COL27A1: variants seen among roughly 807,000 people sequenced by gnomAD.
COL27A1 encodes collagen alpha-1(XXVII) chain.
Under a neutral mutation model 251.3 loss-of-function variants are expected in COL27A1, and 106 were observed. The observed-to-expected ratio is 0.42, with a 90% CI of 0.36 to 0.50. COL27A1 has a LOEUF of 0.50. COL27A1 is among the 20% of genes least tolerant of loss of function. The probability of loss-of-function intolerance (pLI) is 0.00; values close to 1 mark genes in which losing one functional copy is unlikely to be tolerated. For missense variants in COL27A1, 2,325 were observed against 2,522.8 expected (o/e 0.92, Z 1.68); for synonymous variants, 1,000 against 986.3 (o/e 1.01, Z -0.26).
chr9:114,294,355 C>T lies in COL27A1; in HGVS notation c.4584+2145C>T, dbSNP rs537040604. ...AACTCTTTCCTTGAGGCTGATTCTA[C>T]CCTGATGTCAAAGCCACACCAAGAT... On this transcript the variant is annotated intron_variant, in intron 49 of 60. Coordinates refer to ENST00000356083, the MANE Select transcript of COL27A1 (RefSeq NM_032888.4). Among the ~76,000 whole-genome samples, 3 of 151,744 alleles carry T rather than the reference C, an allele frequency of 2.0e-5. No individual in the cohort carries two copies. The East Asian group carries it at 5.8e-4, about 29-fold the overall frequency.
In COL27A1 at chr9:114,283,698, T is replaced by C; in HGVS notation, c.3880-11T>C. On this transcript the variant is annotated splice_polypyrimidine_tract_variant and intron_variant, in intron 39 of 60. Coordinates refer to ENST00000356083, the MANE Select transcript of COL27A1 (RefSeq NM_032888.4). ...ACACTCCATACCAACGAGGGTCTCCTCCTCTTGTAGGGTGCTCCGGGACGC... is the reference window on the plus strand; with the variant it reads ...ACACTCCATACCAACGAGGGTCTCCCCCTCTTGTAGGGTGCTCCGGGACGC... 1 of 1,613,826 alleles carries C rather than the reference T, an allele frequency of 6.2e-7. No homozygotes were observed. Among genetic ancestry groups the C allele is most frequent in the Non-Finnish European group, 8.5e-7 (1 of 1,179,826 alleles).
rs562607157 is a variant in COL27A1, at chr9:114,231,248, G to A, written c.2520+116G>A. 531 of 992,298 alleles carry A rather than the reference G, an allele frequency of 5.4e-4. 3 individuals carry two copies. The South Asian group carries it at 7.6e-3, about 14-fold the overall frequency. 61.5% of individuals were successfully genotyped at this position (992,298 alleles called of 1,614,324 possible). On this transcript the variant is annotated intron_variant, in intron 15 of 60. Coordinates refer to ENST00000356083, the MANE Select transcript of COL27A1 (RefSeq NM_032888.4). ...ATGCTGGGGGAAGGGAGGATGGCAG[G>A]ATGCTCAGAGGGGTGCTAGGAGGAA...
At chr9:114,197,123 C>T (rs1019283321) in intron 7 of COL27A1, among the ~76,000 whole-genome samples, 1 of 152,136 alleles carries the variant, frequency 6.6e-6, no homozygotes. Flanking sequence ...CAAGAAAATC[C>T]CCAACCGCTG....
chr9:114,300,143 A>C lies in COL27A1; in HGVS notation c.4638+20A>C. ...CCCAAGGTATGGACTCCCACGGCTCACTGTTCCTGTGGGGTCCCATCCATT... is the reference window on the plus strand; with the variant it reads ...CCCAAGGTATGGACTCCCACGGCTCCCTGTTCCTGTGGGGTCCCATCCATT... On this transcript the variant is annotated intron_variant, in intron 50 of 60. Transcript: ENST00000356083. The C allele has an allele frequency of 6.2e-7, 1 of 1,611,650 alleles. No homozygotes were observed. The highest frequency in any genetic ancestry group is 1.1e-5 in the South Asian group (1 of 91,032).
At chr9:114,169,511 C>A in intron 3 of COL27A1, 48 bp downstream of exon 3, 1 of 1,420,830 alleles carries the variant, frequency 7.0e-7, no homozygotes, top group Non-Finnish European at 9.4e-7. Context: ...CAGTGGGGGA[C>A]TGGGGCATTG....
At chr9:114,277,036 C>T (rs532925638) in intron 37 of COL27A1, among the ~76,000 whole-genome samples, 10 of 152,270 alleles carry the variant, frequency 6.6e-5, no homozygotes, top group African/African-American at 2.4e-4. Flanking sequence ...CGCATACTGC[C>T]CCTGTGCTCT....
At chr9:114,256,529 G>A (rs1374225415) in intron 27 of COL27A1, among the ~76,000 whole-genome samples, 1 of 152,144 alleles carries the variant, frequency 6.6e-6, no homozygotes, top group East Asian at 1.9e-4. Flanking sequence ...ATTGGGGGTG[G>A]GAGTGAGGCC....
chr9:114,237,542 C>A (rs1832479752), intron 18 of COL27A1, 120 bp from the exon 19 acceptor site: 8 of 828,648 alleles, frequency 9.7e-6, no homozygotes, highest in Non-Finnish European at 1.7e-5. Flanking sequence ...GTTGTCCAGG[C>A]AGATTTTATG....
At chr9:114,252,799 TG>T in intron 26 of COL27A1, 79 bp from the exon 27 acceptor site, 4 of 1,492,178 alleles carry the variant, frequency 2.7e-6, no homozygotes, top group Non-Finnish European at 3.7e-6. Context: ...GGCTTTGCAC[TG>T]GGGCTGAGCC....
Position 114,168,149 on chromosome 9 carries a change from C to T in COL27A1, c.594C>T (p.Leu198=), listed in dbSNP as rs745604906. ...DPALDPGGSF[L]FGKMNPHAVQ... Reference sequence around the variant, plus strand: ...CACTCGACCCTGGGGGCTCCTTCCTCTTTGGGAAGATGAACCCGCATGCAG... The same window carrying T: ...CACTCGACCCTGGGGGCTCCTTCCTTTTTGGGAAGATGAACCCGCATGCAG... The change falls in exon 3 of 61, where the codon CTC becomes CTT. Residue 198 remains leucine (L), a synonymous_variant. Coordinates refer to ENST00000356083, the MANE Select transcript of COL27A1 (RefSeq NM_032888.4). 3.1e-6 allele frequency: 5 copies of T among 1,613,482 alleles called. No homozygotes were observed. Among genetic ancestry groups the T allele is most frequent in the Non-Finnish European group, 4.2e-6 (5 of 1,180,028 alleles).
At chr9:114,162,451 C>G (rs1048446224) in intron 1 of COL27A1, among the ~76,000 whole-genome samples, 1 of 152,174 alleles carries the variant, frequency 6.6e-6, no homozygotes, top group African/African-American at 2.4e-5. Flanking sequence ...GCTTCTTCCC[C>G]GTTGACGTTG....
chr9:114,308,088 C>G (rs1294613660), intron 59 of COL27A1, among the ~76,000 whole-genome samples: 1 of 152,210 alleles, frequency 6.6e-6, no homozygotes, highest in Non-Finnish European at 1.5e-5. Flanking sequence ...TATGAATCAT[C>G]AGCATGAAAT....
intron 16 of COL27A1, among the ~76,000 whole-genome samples, chr9:114,232,397 G>C (rs1327722766): frequency 6.6e-6 from 1 of 152,180 alleles, no homozygotes; most frequent in Non-Finnish European, 1.5e-5. Context: ...ATCTCACCCT[G>C]TGCCAAACCA....
In COL27A1 at chr9:114,167,672, T is replaced by C. The variant is rs367798942; in HGVS notation, c.134-17T>C. 86 of 1,594,414 alleles carry C rather than the reference T, an allele frequency of 5.4e-5. No individual in the cohort carries two copies. The highest frequency in any genetic ancestry group is 7.3e-5 in the Non-Finnish European group (85 of 1,167,932). ...CAGGCCCTGACTGCGTCCTCTCCCC[T>C]TTTCCCTCCCTCTCAGATGTGGACA... On this transcript the variant is annotated splice_polypyrimidine_tract_variant and intron_variant, in intron 2 of 60. Transcript: ENST00000356083.
intron 3 of COL27A1, among the ~76,000 whole-genome samples, chr9:114,172,787 C>CTT (rs1418458970): frequency 6.6e-6 from 1 of 152,124 alleles, no homozygotes. Flanking sequence ...GAGTAAGACT[C>CTT]TGTCTCAAAA....
chr9:114,262,376 G>T (rs1395747900), intron 28 of COL27A1, among the ~76,000 whole-genome samples: 6 of 152,184 alleles, frequency 3.9e-5, no homozygotes. Context: ...TTGTTTAGGG[G>T]TTCATCAAAC....
chr9:114,206,219 T>A, intron 9 of COL27A1, 33 bp from the exon 10 acceptor site: 1 of 1,611,424 alleles, frequency 6.2e-7, no homozygotes. Context: ...AGCGTCTCCA[T>A]ATGTCCTTGC....
At chr9:114,181,128 G>A (rs1468749182) in intron 4 of COL27A1, among the ~76,000 whole-genome samples, 1 of 152,216 alleles carries the variant, frequency 6.6e-6, no homozygotes, top group African/African-American at 2.4e-5. Flanking sequence ...CTTAGAGACT[G>A]CTGGGTCCCA....
In COL27A1 at chr9:114,311,432, T is replaced by C. The variant is rs1362134154; in HGVS notation, c.*737T>C. The C allele has an allele frequency of 6.6e-6, 1 of 151,554 alleles. No individual in the cohort carries two copies. Among genetic ancestry groups the C allele is most frequent in the East Asian group, 1.9e-4 (1 of 5,150 alleles). The allele number at this position is 151,554 out of a possible 1,614,324, so 9.4% of individuals were successfully genotyped here. On this transcript the variant is annotated 3_prime_UTR_variant, in exon 61 of 61. Coordinates refer to ENST00000356083, the MANE Select transcript of COL27A1 (RefSeq NM_032888.4). ...AGAAACTTTTGGATGTGGGGCATCA[T>C]CCGCATCTTTCTCTCTCCTCCAAAT...
Sources: allele counts gnomAD v4.1 joint callset (sites outside exome capture counted in the v4.1 genomes callset), GRCh38; gene constraint gnomAD v4.1.1; transcripts MANE v1.5; gene names NCBI Gene and HGNC (gene_info 2026-07-23, HGNC 2026-07-21).